The following GRHL2 variants were observed in gnomAD, a reference collection of about 807,000 sequenced individuals.
The protein encoded by GRHL2 is grainyhead-like protein 2 homolog.
Under a neutral mutation model 83.8 loss-of-function variants are expected in GRHL2, and 21 were observed. The observed-to-expected ratio is 0.25, with a 90% CI of 0.18 to 0.36. GRHL2 has a LOEUF of 0.36. Ranked by LOEUF, GRHL2 falls within the 10% of genes least tolerant of loss-of-function variation. The pLI, the probability that GRHL2 is intolerant of heterozygous loss-of-function variation, is 1.00. For synonymous variants in GRHL2, 280 were observed against 278.9 expected, an observed-to-expected ratio of 1.00 and a Z score of -0.04; for missense variants, 623 against 781.8, an observed-to-expected ratio of 0.80 and a Z score of 2.42.
intron 14 of GRHL2, among the ~76,000 whole-genome samples, chr8:101,650,596 T>G (rs532635162): frequency 6.6e-6 from 1 of 151,972 alleles, no homozygotes; most frequent in Non-Finnish European, 1.5e-5. Flanking sequence ...ATAGGACATA[T>G]TGAGAATAAG....
chr8:101,618,719 C>T (rs922559584), intron 8 of GRHL2, among the ~76,000 whole-genome samples: 2 of 151,678 alleles, frequency 1.3e-5, no homozygotes, highest in Non-Finnish European at 2.9e-5. Flanking sequence ...GCACTAGGTA[C>T]CAGTAATACA....
chr8:101,679,452 G>A, the GRHL2 span, among the ~76,000 whole-genome samples: 7 of 150,156 alleles, frequency 4.7e-5, no homozygotes, highest in Non-Finnish European at 7.4e-5. Flanking sequence ...CTTCTGATTG[G>A]TGTACCTGAA....
At chr8:101,601,960 A>G (rs1812524241) in intron 8 of GRHL2, among the ~76,000 whole-genome samples, 1 of 152,112 alleles carries the variant, frequency 6.6e-6, no homozygotes, top group Non-Finnish European at 1.5e-5. Flanking sequence ...TATTTGTCCT[A>G]AGGCTCTCCC....
At chr8:101,663,653 G>A (rs1421942582) in intron 14 of GRHL2, among the ~76,000 whole-genome samples, 9 of 146,212 alleles carry the variant, frequency 6.2e-5, no homozygotes, top group Non-Finnish European at 8.9e-5. Context: ...AAAAATAAAA[G>A]TAGTATCCTA....
At chr8:101,598,662 C>CA (rs1290903405) in intron 7 of GRHL2, among the ~76,000 whole-genome samples, 1 of 134,968 alleles carries the variant, frequency 7.4e-6, no homozygotes, top group Admixed American at 8.3e-5. Flanking sequence ...TTCTGTTCTA[C>CA]AAAAAATTCC....
At chr8:101,658,510 G>A (rs928432763) in intron 14 of GRHL2, among the ~76,000 whole-genome samples, 3 of 152,208 alleles carry the variant, frequency 2.0e-5, no homozygotes, top group African/African-American at 7.2e-5. Context: ...CCACATGCCT[G>A]TGTGCTGGGG....
At chr8:101,589,763 T>C (rs1337189619) in intron 7 of GRHL2, among the ~76,000 whole-genome samples, 2 of 152,216 alleles carry the variant, frequency 1.3e-5, no homozygotes, top group African/African-American at 4.8e-5. Flanking sequence ...CTAATAATTA[T>C]GCCTTTAATG....
rs1188845374 is a variant in GRHL2, at chr8:101,652,363, G to GA, written c.1698+2864_1698+2865insA. Among the ~76,000 whole-genome samples the GA allele has an allele frequency of 5.5e-3, 407 of 73,988 alleles. 3 individuals carry two copies. The highest frequency in any genetic ancestry group is 0.027 in the African/African-American group (364 of 13,476). 48.5% of individuals were successfully genotyped at this position (73,988 alleles called of 152,430 possible). On this transcript the variant is annotated intron_variant, in intron 14 of 15. Coordinates refer to ENST00000646743, the MANE Select transcript of GRHL2 (RefSeq NM_024915.4). ...TGTATGTGTGTGGTGTGTGTGGTGTGTGTGTGTCTGATGTGTGTGTGGTGT... is the reference window on the plus strand; with the variant it reads ...TGTATGTGTGTGGTGTGTGTGGTGTGATGTGTGTCTGATGTGTGTGTGGTGT...
At chr8:101,674,124 A>G (rs146956644), downstream of GRHL2, among the ~76,000 whole-genome samples, 1,836 of 152,268 alleles carry the variant, frequency 0.012, 30 homozygotes, top group East Asian at 0.057. Context: ...CAAAATTGAC[A>G]CCCTAACGTC....
intron 13 of GRHL2, among the ~76,000 whole-genome samples, chr8:101,647,717 G>A (rs1483476846): frequency 2.0e-5 from 3 of 150,862 alleles, no homozygotes; most frequent in Admixed American, 2.0e-4. Flanking sequence ...AAGAGACTCG[G>A]CAATACCTGT....
intron 1 of GRHL2, among the ~76,000 whole-genome samples, chr8:101,534,798 G>A (rs370936334): frequency 1.3e-5 from 2 of 152,172 alleles, no homozygotes; most frequent in Non-Finnish European, 2.9e-5. Context: ...TTCAAGTATT[G>A]CAACTAGAAG....
chr8:101,624,331 G>A (rs938388043), intron 9 of GRHL2, among the ~76,000 whole-genome samples: 2 of 148,718 alleles, frequency 1.3e-5, no homozygotes, highest in African/African-American at 5.0e-5. Context: ...CATGACACTG[G>A]TAGGACAGTA....
At chr8:101,559,240 G>T (rs897453792) in intron 4 of GRHL2, among the ~76,000 whole-genome samples, 1 of 151,682 alleles carries the variant, frequency 6.6e-6, no homozygotes, top group African/African-American at 2.4e-5. Flanking sequence ...GGCTGGACGC[G>T]GTGGCTCATG....
chr8:101,666,044 C>T (rs1442054804), intron 15 of GRHL2, among the ~76,000 whole-genome samples: 1 of 152,222 alleles, frequency 6.6e-6, no homozygotes, highest in African/African-American at 2.4e-5. Context: ...AACAATTTAA[C>T]CTTGTTGAGG....
At chr8:101,613,847 G>T (rs1174373270) in intron 8 of GRHL2, among the ~76,000 whole-genome samples, 2 of 150,950 alleles carry the variant, frequency 1.3e-5, no homozygotes, top group Non-Finnish European at 2.9e-5. Context: ...TCTTGGAAAA[G>T]AATTTTTTTT....
chr8:101,677,943 G>A, the GRHL2 span, among the ~76,000 whole-genome samples: 1 of 152,062 alleles, frequency 6.6e-6, no homozygotes, highest in African/African-American at 2.4e-5. Flanking sequence ...TGTCTTAGGT[G>A]GATTTGACTG....
chr8:101,548,295 C>T (rs957218057), intron 2 of GRHL2, among the ~76,000 whole-genome samples: 11 of 152,158 alleles, frequency 7.2e-5, no homozygotes, highest in Admixed American at 2.0e-4. Flanking sequence ...GAGAGATCAC[C>T]GACAATCACA....
At chr8:101,532,389 G>A (rs538221099) in intron 1 of GRHL2, among the ~76,000 whole-genome samples, 7 of 152,250 alleles carry the variant, frequency 4.6e-5, no homozygotes, top group South Asian at 2.1e-4. Flanking sequence ...GTAATCAGCC[G>A]TAGTGAATCA....
chr8:101,666,634 C>T lies in GRHL2; in HGVS notation c.1809C>T (p.Asn603=), dbSNP rs777927113. The change falls in exon 16 of 16, where the codon AAC becomes AAT. Residue 603 remains asparagine (N), a synonymous_variant. Transcript: ENST00000646743. ...MDDNIIEHYS[N]EDTFILNMES... Reference sequence around the variant, plus strand: ...ACAACATCATCGAGCACTACTCGAACGAGGACACCTTCATCCTCAACATGG... The same window carrying T: ...ACAACATCATCGAGCACTACTCGAATGAGGACACCTTCATCCTCAACATGG... 4.4e-5 allele frequency: 71 copies of T among 1,613,352 alleles called. No homozygotes were observed. The highest frequency in any genetic ancestry group is 5.3e-5 in the Non-Finnish European group (62 of 1,179,402).
Sources: gnomAD v4.1 joint callset for allele counts (sites outside exome capture counted in the v4.1 genomes callset) on GRCh38, gnomAD v4.1.1 for gene constraint, MANE v1.5 for transcripts, NCBI Gene and HGNC (gene_info 2026-07-23, HGNC 2026-07-21) for gene names.